KMT2C: variants seen among roughly 807,000 people sequenced by gnomAD.
KMT2C encodes lysine methyltransferase 2C.
KMT2C carries 88 observed loss-of-function variants against 507.9 expected under a neutral mutation model. The ratio of observed to expected loss-of-function variants is 0.17; its 90% CI spans 0.15 to 0.21. KMT2C has a LOEUF of 0.21. Among genes scored for constraint, KMT2C ranks in the 10% least tolerant of loss-of-function variants. The probability of loss-of-function intolerance (pLI) is 1.00; values close to 1 mark genes in which losing one functional copy is unlikely to be tolerated. For synonymous variants in KMT2C, 2,049 were observed against 2,080.8 expected (o/e 0.98, Z 0.42); for missense variants, 4,954 against 5,957.8 (o/e 0.83, Z 5.55).
chr7:152,201,617 G>GGAAAAAAAAAAA (rs1491277955), intron 26 of KMT2C, among the ~76,000 whole-genome samples: 2 of 22,874 alleles, frequency 8.7e-5, no homozygotes, highest in African/African-American at 1.6e-4. Context: ...CAACAAAGAT[G>GGAAAAAAAAAAA]AAAAAAAAAA....
intron 1 of KMT2C, among the ~76,000 whole-genome samples, chr7:152,377,878 G>C (rs1007728950): frequency 6.6e-6 from 1 of 152,168 alleles, no homozygotes; most frequent in Non-Finnish European, 1.5e-5. Flanking sequence ...ACATGAACAG[G>C]TGTCTGGAAG....
intron 23 of KMT2C, among the ~76,000 whole-genome samples, chr7:152,219,711 A>C (rs933075277): frequency 6.6e-6 from 1 of 152,222 alleles, no homozygotes; most frequent in African/African-American, 2.4e-5. Context: ...TCTTTAACTC[A>C]TATTGGATTT....
At chr7:152,165,884 T>C (rs951323535) in intron 42 of KMT2C, among the ~76,000 whole-genome samples, 35 of 152,174 alleles carry the variant, frequency 2.3e-4, no homozygotes, top group African/African-American at 8.4e-4. Context: ...GAGACGAGTT[T>C]TGCCACGTTG....
chr7:152,385,721 G>A (rs1287125599), intron 1 of KMT2C, among the ~76,000 whole-genome samples: 1 of 146,160 alleles, frequency 6.8e-6, no homozygotes, highest in African/African-American at 2.5e-5. Flanking sequence ...TTTTAAGTAT[G>A]ATGGTGGTAT....
chr7:152,433,311 A>G (rs1207510153), intron 1 of KMT2C, among the ~76,000 whole-genome samples: 1 of 152,252 alleles, frequency 6.6e-6, no homozygotes, highest in Non-Finnish European at 1.5e-5. Context: ...TTCACTGGTT[A>G]CAAACCTAAT....
chr7:152,268,199 A>G (rs994681554), intron 7 of KMT2C, among the ~76,000 whole-genome samples: 1 of 152,124 alleles, frequency 6.6e-6, no homozygotes, highest in Non-Finnish European at 1.5e-5. Flanking sequence ...GAATCGCTTG[A>G]ACTCGGGAGG....
chr7:152,365,047 A>G (rs1156315084), intron 1 of KMT2C, among the ~76,000 whole-genome samples: 1 of 152,206 alleles, frequency 6.6e-6, no homozygotes, highest in Non-Finnish European at 1.5e-5. Flanking sequence ...GCAAAAGAAA[A>G]TACACATTGC....
chr7:152,268,116 C>G (rs2095889285), intron 7 of KMT2C, among the ~76,000 whole-genome samples: 1 of 152,138 alleles, frequency 6.6e-6, no homozygotes, highest in African/African-American at 2.4e-5. Context: ...CCCATCTCTA[C>G]TAAAAATACA....
chr7:152,395,364 C>G (rs536356423), intron 1 of KMT2C, among the ~76,000 whole-genome samples: 3 of 151,930 alleles, frequency 2.0e-5, no homozygotes, highest in Non-Finnish European at 2.9e-5. Context: ...TTCCCCCCCC[C>G]AGTTAGAGAC....
chr7:152,257,937 A>G (rs2095689061), intron 9 of KMT2C, among the ~76,000 whole-genome samples: 2 of 152,144 alleles, frequency 1.3e-5, no homozygotes, highest in African/African-American at 4.8e-5. Context: ...CTGTTGGGCC[A>G]CATTCAAAGC....
In KMT2C at chr7:152,249,866, T is replaced by C. The variant is rs200256604; in HGVS notation, c.1813+10A>G. The C allele has an allele frequency of 6.6e-7, 1 of 1,517,396 alleles. No individual in the cohort carries two copies. The allele number at this position is 1,517,396 out of a possible 1,614,324, so 94.0% of individuals were successfully genotyped here. A position where few individuals can be genotyped will look rare whatever the true frequency, so the allele number is the denominator to read the frequency against. On this transcript the variant is annotated intron_variant, in intron 13 of 58. Coordinates refer to ENST00000262189, the MANE Select transcript of KMT2C (RefSeq NM_170606.3). ...TCAATCAAATTAGACAATATGAACA[T>C]ACTGCTTACCAGCAATAAGAAGACT... is the stretch of plus-strand genomic sequence containing the variant.
intron 14 of KMT2C, among the ~76,000 whole-genome samples, chr7:152,239,254 G>T (rs2095339878): frequency 6.6e-6 from 1 of 152,092 alleles, no homozygotes; most frequent in East Asian, 1.9e-4. Flanking sequence ...TAACCATAAG[G>T]AATTCTATAT....
In KMT2C at chr7:152,218,411, G is replaced by A. The variant is rs148773519; in HGVS notation, c.3712+2112C>T. On this transcript the variant is annotated intron_variant, in intron 23 of 58. Coordinates refer to ENST00000262189, the MANE Select transcript of KMT2C (RefSeq NM_170606.3). ...TCGCCTGACCTCAGGTGATCCACCCGCCTTGGCCTCCCAAAATGCTGGGAT... is the reference window on the plus strand; with the variant it reads ...TCGCCTGACCTCAGGTGATCCACCCACCTTGGCCTCCCAAAATGCTGGGAT... Among the ~76,000 whole-genome samples the A allele has an allele frequency of 1.7e-3, 255 of 152,102 alleles. 5 individuals are homozygous for A. The East Asian group carries it at 0.041, about 24-fold the overall frequency.
At chr7:152,432,741 G>A (rs1184358542) in intron 1 of KMT2C, among the ~76,000 whole-genome samples, 5 of 152,262 alleles carry the variant, frequency 3.3e-5, no homozygotes, top group South Asian at 4.1e-4. Flanking sequence ...TATAAGACAA[G>A]AAAATGCTTT....
At position 152,276,784 on chromosome 7, in the gene KMT2C, G is replaced by T. The variant is rs908970081; in HGVS notation, c.850-2917C>A. 2.5e-3 allele frequency among the ~76,000 whole-genome samples: 371 copies of T among 149,552 alleles called. 3 individuals carry two copies. Among genetic ancestry groups the T allele is most frequent in the Non-Finnish European group, 3.5e-3 (240 of 67,614 alleles). On this transcript the variant is annotated intron_variant, in intron 6 of 58. Transcript: ENST00000262189. Reference sequence around the variant, plus strand: ...TTCAAAAAAAAAAAGGCCCTTAAATGGTGTATCAACTAAATGGTTTATTTG... The same window carrying T: ...TTCAAAAAAAAAAAGGCCCTTAAATTGTGTATCAACTAAATGGTTTATTTG...
intron 1 of KMT2C, among the ~76,000 whole-genome samples, chr7:152,383,134 TTGTGTGTG>T (rs777688708): frequency 7.0e-6 from 1 of 142,058 alleles, no homozygotes; most frequent in Non-Finnish European, 1.6e-5. Flanking sequence ...TATATATAAT[TTGTGTGTG>T]TGTGTGTGTA....
intron 1 of KMT2C, 117 bp from the exon 2 acceptor site, chr7:152,358,792 T>C: frequency 1.6e-6 from 1 of 636,202 alleles, no homozygotes; most frequent in Non-Finnish European, 2.7e-6. Context: ...AATTAGGGCA[T>C]TTTTCCAGCA....
intron 1 of KMT2C, among the ~76,000 whole-genome samples, chr7:152,398,343 G>C (rs969693579): frequency 9.9e-5 from 15 of 152,102 alleles, no homozygotes; most frequent in Admixed American, 3.9e-4. Flanking sequence ...ATGTGTATAA[G>C]CTAAAATGGA....
chr7:152,268,392 A>C (rs1450481444), intron 7 of KMT2C, among the ~76,000 whole-genome samples: 1 of 152,198 alleles, frequency 6.6e-6, no homozygotes, highest in Admixed American at 6.5e-5. Flanking sequence ...TTACATAATC[A>C]ATTAATTACA....
Sources: gnomAD v4.1 joint callset for allele counts (sites outside exome capture counted in the v4.1 genomes callset) on GRCh38, gnomAD v4.1.1 for gene constraint, MANE v1.5 for transcripts, NCBI Gene and HGNC (gene_info 2026-07-23, HGNC 2026-07-21) for gene names.